The following HECW2 variants were observed in gnomAD, a reference collection of about 807,000 sequenced individuals.
HECW2 encodes HECT, C2 and WW domain containing E3 ubiquitin protein ligase 2, also known as E3 ubiquitin-protein ligase HECW2.
In HECW2, 61 loss-of-function variants were observed where a neutral mutation model predicts 175.2. That is an observed-to-expected ratio of 0.35 (90% CI 0.28 to 0.43). The LOEUF (loss-of-function observed/expected upper bound fraction) is 0.43. Ranked by LOEUF, HECW2 falls within the 20% of genes least tolerant of loss-of-function variation. The pLI, the probability that HECW2 is intolerant of heterozygous loss-of-function variation, is 1.00. For synonymous variants in HECW2, 671 were observed against 731.0 expected, an observed-to-expected ratio of 0.92 and a Z score of 1.32; for missense variants, 1,524 against 2,000.5, an observed-to-expected ratio of 0.76 and a Z score of 4.54.
chr2:196,586,350 C>T (rs1043078519), intron 1 of HECW2, among the ~76,000 whole-genome samples: 1 of 152,162 alleles, frequency 6.6e-6, no homozygotes, highest in African/African-American at 2.4e-5. Flanking sequence ...CAAATCATTT[C>T]TAATCACTGT....
chr2:196,571,817 G>A (rs1045004445), intron 1 of HECW2, among the ~76,000 whole-genome samples: 27 of 152,230 alleles, frequency 1.8e-4, no homozygotes, highest in African/African-American at 6.3e-4. Flanking sequence ...AGGTCACAAA[G>A]AGATGTTTGT....
At chr2:196,454,341 A>G (rs1197688603) in intron 1 of HECW2, among the ~76,000 whole-genome samples, 2 of 152,226 alleles carry the variant, frequency 1.3e-5, no homozygotes, top group East Asian at 3.8e-4. Context: ...CACAAAATGT[A>G]AAGTGGGCAT....
chr2:196,408,847 C>G (rs977017940), intron 2 of HECW2, among the ~76,000 whole-genome samples: 20 of 152,180 alleles, frequency 1.3e-4, no homozygotes, highest in African/African-American at 4.6e-4. Context: ...ATCAATGAAA[C>G]AAGTCCTTCT....
At chr2:196,255,799 G>A (rs72923312) in intron 18 of HECW2, among the ~76,000 whole-genome samples, 4,897 of 152,298 alleles carry the variant, frequency 0.032, 114 homozygotes, top group Non-Finnish European at 0.046. Flanking sequence ...AGGGCTGAGC[G>A]CTGTGGCTCA....
At chr2:196,215,766 C>A in intron 28 of HECW2, 99 bp downstream of exon 28, 1 of 843,984 alleles carries the variant, frequency 1.2e-6, no homozygotes, top group Non-Finnish European at 1.8e-6. Context: ...TCCGCTCTCC[C>A]AAACTTTTAA....
intron 1 of HECW2, among the ~76,000 whole-genome samples, chr2:196,523,785 T>C (rs1688515879): frequency 6.6e-6 from 1 of 150,922 alleles, no homozygotes; most frequent in African/African-American, 2.4e-5. Flanking sequence ...CATTTATTGA[T>C]TTGCGTATAT....
At chr2:196,325,627 A>C (rs550748157) in intron 5 of HECW2, among the ~76,000 whole-genome samples, 9 of 152,350 alleles carry the variant, frequency 5.9e-5, no homozygotes, top group Admixed American at 4.6e-4. Flanking sequence ...TTCCTTCATG[A>C]GAGAAAAATG....
intron 2 of HECW2, among the ~76,000 whole-genome samples, chr2:196,422,146 A>G (rs1695423514): frequency 6.6e-6 from 1 of 152,132 alleles, no homozygotes; most frequent in East Asian, 1.9e-4. Flanking sequence ...AAAGTATGAG[A>G]CTTTCTAACC....
chr2:196,309,730 T>C (rs6757097), intron 10 of HECW2, among the ~76,000 whole-genome samples: 107,532 of 151,936 alleles, frequency 0.71, 39,010 homozygotes, highest in East Asian at 0.97. Flanking sequence ...TTTACAGTAG[T>C]CCCAATTTTA....
At chr2:196,464,877 C>T (rs530922456) in intron 1 of HECW2, among the ~76,000 whole-genome samples, 1 of 152,186 alleles carries the variant, frequency 6.6e-6, no homozygotes, top group African/African-American at 2.4e-5. Context: ...CCTGTCTCTA[C>T]TAAAAATACA....
intron 1 of HECW2, among the ~76,000 whole-genome samples, chr2:196,583,960 A>G (rs915425325): frequency 6.6e-6 from 1 of 152,218 alleles, no homozygotes; most frequent in African/African-American, 2.4e-5. Flanking sequence ...GTGATTCCCA[A>G]GAGGGTAGCA....
chr2:196,209,520 A>G (rs1006308398), intron 28 of HECW2, among the ~76,000 whole-genome samples: 5 of 152,216 alleles, frequency 3.3e-5, no homozygotes, highest in African/African-American at 7.2e-5. Context: ...GAACTGAGTG[A>G]GAGGGCAGAG....
intron 1 of HECW2, among the ~76,000 whole-genome samples, chr2:196,441,018 G>C (rs1279546225): frequency 6.6e-6 from 1 of 152,128 alleles, no homozygotes; most frequent in African/African-American, 2.4e-5. Flanking sequence ...TTCTTCAAGA[G>C]GTCAAGAGAG....
intron 5 of HECW2, among the ~76,000 whole-genome samples, chr2:196,327,682 T>C (rs1467691737): frequency 6.6e-6 from 1 of 152,222 alleles, no homozygotes; most frequent in Non-Finnish European, 1.5e-5. Context: ...ATTTTTAGAA[T>C]TAACATTATA....
intron 1 of HECW2, among the ~76,000 whole-genome samples, chr2:196,483,092 T>C (rs1686895871): frequency 8.9e-6 from 1 of 112,760 alleles, no homozygotes; most frequent in Admixed American, 8.7e-5. Flanking sequence ...ATTTCATAGT[T>C]GTAAAAAAAA....
intron 3 of HECW2, among the ~76,000 whole-genome samples, chr2:196,343,138 C>A (rs1204997668): frequency 6.6e-6 from 1 of 151,976 alleles, no homozygotes; most frequent in African/African-American, 2.4e-5. Context: ...TTGATATCCA[C>A]GGGGGATTCG....
intron 13 of HECW2, among the ~76,000 whole-genome samples, chr2:196,296,390 A>T (rs1248179926): frequency 6.6e-6 from 1 of 152,198 alleles, no homozygotes; most frequent in Non-Finnish European, 1.5e-5. Context: ...TGGTAAAGTA[A>T]TTTGAAAAGG....
intron 2 of HECW2, among the ~76,000 whole-genome samples, chr2:196,358,433 G>A: frequency 6.6e-6 from 1 of 151,468 alleles, no homozygotes; most frequent in East Asian, 1.9e-4. Context: ...AAATTAGCTG[G>A]GCATGGTGGC....
At chr2:196,337,285 C>G (rs1692582908) in intron 3 of HECW2, among the ~76,000 whole-genome samples, 1 of 150,570 alleles carries the variant, frequency 6.6e-6, no homozygotes, top group Admixed American at 6.6e-5. Flanking sequence ...GTTGCACCTA[C>G]AATGTGTAAC....
Sources: allele counts gnomAD v4.1 joint callset (sites outside exome capture counted in the v4.1 genomes callset), GRCh38; gene constraint gnomAD v4.1.1; transcripts MANE v1.5; gene names NCBI Gene and HGNC (gene_info 2026-07-23, HGNC 2026-07-21).